Variants in ZNF280D observed in about 807,000 individuals in gnomAD.
ZNF280D encodes the protein zinc finger protein 280D, also known as suppressor of hairy wing homolog 4.
Under a neutral mutation model 94.7 loss-of-function variants are expected in ZNF280D, and 39 were observed. The ratio of observed to expected loss-of-function variants is 0.41; its 90% CI spans 0.32 to 0.54. The LOEUF (loss-of-function observed/expected upper bound fraction) is 0.54, where lower values mean the gene tolerates loss of function less well. Ranked by LOEUF, ZNF280D falls within the 20% of genes least tolerant of loss-of-function variation. ZNF280D has a pLI of 0.22. For missense variants in ZNF280D, 1,090 were observed against 1,149.3 expected, an observed-to-expected ratio of 0.95 and a Z score of 0.75; for synonymous variants, 398 against 377.6, an observed-to-expected ratio of 1.05 and a Z score of -0.63.
At chr15:56,684,074 C>T (rs560418491) in intron 9 of ZNF280D, among the ~76,000 whole-genome samples, 1 of 152,262 alleles carries the variant, frequency 6.6e-6, no homozygotes, top group African/African-American at 2.4e-5. Flanking sequence ...AGAAGTACCC[C>T]AGACCTGATT....
rs553604143 is a variant in ZNF280D, at chr15:56,682,856, C to T, written c.781-379G>A. Among the ~76,000 whole-genome samples the T allele has an allele frequency of 2.0e-5, 3 of 151,960 alleles. No homozygotes were observed. The South Asian group carries it at 6.2e-4, about 32-fold the overall frequency. On this transcript the variant is annotated intron_variant, in intron 9 of 21. Coordinates refer to ENST00000267807, the MANE Select transcript of ZNF280D (RefSeq NM_017661.4). The stretch of plus-strand genomic sequence containing the variant: ...TGTATAGAAAGGAAATGTTTATATG[C>T]CTTGATGTATATATTTAATTATCAA...
chr15:56,635,210 G>A lies in ZNF280D; in HGVS notation c.2300C>T (p.Thr767Ile). Residue 767 changes from threonine to isoleucine, a missense_variant, in exon 21 of 22, where the codon ACA (threonine) becomes ATA (isoleucine). Thr to Ile is a moderately conservative substitution (Grantham distance 89). Coordinates refer to ENST00000267807, the MANE Select transcript of ZNF280D (RefSeq NM_017661.4). ...TTATATTTACCTTTCAGAATTTGATGTTTCTGTTTCTCTTTCAGCCATGTT... is the reference window on the plus strand; with the variant it reads ...TTATATTTACCTTTCAGAATTTGATATTTCTGTTTCTCTTTCAGCCATGTT... ...RPNMAERETE[T>I]SNSESKQDKA... 3 of 1,555,060 alleles carry A rather than the reference G, an allele frequency of 1.9e-6. No individual in the cohort carries two copies. The highest frequency in any genetic ancestry group is 1.2e-5 in the South Asian group (1 of 81,746).
At chr15:56,680,583 C>T (rs2055550335) in intron 10 of ZNF280D, among the ~76,000 whole-genome samples, 3 of 152,000 alleles carry the variant, frequency 2.0e-5, no homozygotes, top group African/African-American at 7.3e-5. Flanking sequence ...CTCAAGCGAT[C>T]CTCCCACCTC....
chr15:56,642,818 G>A (rs1046334760), intron 20 of ZNF280D, 134 bp downstream of exon 20: 41 of 499,670 alleles, frequency 8.2e-5, no homozygotes, highest in Non-Finnish European at 1.2e-4. Context: ...TTTAAATCTC[G>A]ATTTTTTTTC....
chr15:56,651,632 C>T (rs1490696320), intron 19 of ZNF280D, among the ~76,000 whole-genome samples: 1 of 152,156 alleles, frequency 6.6e-6, no homozygotes, highest in Non-Finnish European at 1.5e-5. Flanking sequence ...TGCCCCCACC[C>T]CACAGGTCGC....
intron 19 of ZNF280D, chr15:56,652,492 A>T (rs2053264520): frequency 2.6e-6 from 1 of 385,272 alleles, no homozygotes; most frequent in Non-Finnish European, 3.5e-6. Flanking sequence ...AGGCACTTAA[A>T]CAATATAATT....
chr15:56,729,375 G>T (rs1403696045), intron 1 of ZNF280D, among the ~76,000 whole-genome samples: 1 of 152,128 alleles, frequency 6.6e-6, no homozygotes, highest in Non-Finnish European at 1.5e-5. Flanking sequence ...TTCACAAATG[G>T]AAAAGCAAAA....
chr15:56,637,722 A>G (rs1056079391), intron 20 of ZNF280D, among the ~76,000 whole-genome samples: 1 of 152,214 alleles, frequency 6.6e-6, no homozygotes, highest in African/African-American at 2.4e-5. Context: ...GCATAAAAAC[A>G]GAAGTGTGTA....
At chr15:56,728,753 A>C (rs2058747887) in intron 1 of ZNF280D, among the ~76,000 whole-genome samples, 1 of 152,192 alleles carries the variant, frequency 6.6e-6, no homozygotes, top group South Asian at 2.1e-4. Context: ...GTGAAAGTGC[A>C]TTCATTACTT....
chr15:56,669,951 A>ATATATATATTATATATATATAT (rs2054679767), intron 13 of ZNF280D, among the ~76,000 whole-genome samples: 1 of 1,614 alleles, frequency 6.2e-4, no homozygotes. Flanking sequence ...TATATATATT[A>ATATATATATTATATATATATAT]TATATATATA....
intron 19 of ZNF280D, 77 bp from the exon 20 acceptor site, chr15:56,643,074 A>T: frequency 1.1e-6 from 1 of 921,330 alleles, no homozygotes; most frequent in Non-Finnish European, 1.5e-6. Context: ...TTTCTCTGCC[A>T]GCCTAAAATA....
At chr15:56,684,103 A>G (rs2055830423) in intron 9 of ZNF280D, among the ~76,000 whole-genome samples, 1 of 152,174 alleles carries the variant, frequency 6.6e-6, no homozygotes, top group Non-Finnish European at 1.5e-5. Flanking sequence ...AGAAGCAGAA[A>G]GGCGGTGCTA....
chr15:56,688,872 T>C, intron 9 of ZNF280D, 169 bp downstream of exon 9: 1 of 424,200 alleles, frequency 2.4e-6, no homozygotes, highest in East Asian at 3.9e-5. Flanking sequence ...AATTTGAGGA[T>C]TTAGAAGGAA....
chr15:56,687,365 C>A (rs1009279495), intron 9 of ZNF280D, among the ~76,000 whole-genome samples: 2 of 152,114 alleles, frequency 1.3e-5, no homozygotes, highest in African/African-American at 4.8e-5. Context: ...ATAAAAGCCA[C>A]ATTTTGGAGA....
chr15:56,703,608 C>T (rs1274859213), intron 4 of ZNF280D, among the ~76,000 whole-genome samples: 2 of 152,132 alleles, frequency 1.3e-5, no homozygotes, highest in Non-Finnish European at 2.9e-5. Flanking sequence ...AATTTTAGCA[C>T]TTGGGGAGTC....
intron 20 of ZNF280D, among the ~76,000 whole-genome samples, chr15:56,640,294 G>GT (rs753577720): frequency 8.6e-5 from 13 of 151,874 alleles, no homozygotes; most frequent in Non-Finnish European, 1.9e-4. Flanking sequence ...TTTTTGTTTT[G>GT]TTTTTTGTTT....
chr15:56,684,409 C>G (rs1267327051), intron 9 of ZNF280D, among the ~76,000 whole-genome samples: 2 of 151,752 alleles, frequency 1.3e-5, no homozygotes, highest in Non-Finnish European at 2.9e-5. Flanking sequence ...ACAGTAGCCA[C>G]AAATTTTAAA....
chr15:56,664,586 C>T (rs962604153), intron 16 of ZNF280D, among the ~76,000 whole-genome samples: 2 of 151,978 alleles, frequency 1.3e-5, no homozygotes, highest in African/African-American at 4.8e-5. Flanking sequence ...GGATGACCTA[C>T]AATTGACTAA....
At chr15:56,655,047 G>A (rs537495741) in intron 17 of ZNF280D, among the ~76,000 whole-genome samples, 8 of 152,246 alleles carry the variant, frequency 5.3e-5, no homozygotes, top group East Asian at 1.9e-4. Context: ...AACAGATCAC[G>A]TTTTAGCCAC....
Sources: gnomAD v4.1 joint callset for allele counts (sites outside exome capture counted in the v4.1 genomes callset) on GRCh38, gnomAD v4.1.1 for gene constraint, MANE v1.5 for transcripts, NCBI Gene and HGNC (gene_info 2026-07-23, HGNC 2026-07-21) for gene names.